Variants in SDCCAG8 observed in about 807,000 individuals in gnomAD.
SDCCAG8 encodes the protein SHH signaling and ciliogenesis regulator SDCCAG8.
In SDCCAG8, 74 loss-of-function variants were observed where a neutral mutation model predicts 101.8. The ratio of observed to expected loss-of-function variants is 0.73; its 90% CI spans 0.60 to 0.88. SDCCAG8 has a LOEUF of 0.88. SDCCAG8 is among the 40% of genes least tolerant of loss of function. The pLI is 0.00. For synonymous variants in SDCCAG8, 281 were observed against 292.9 expected (o/e 0.96, Z 0.41); for missense variants, 787 against 822.6 (o/e 0.96, Z 0.53).
At chr1:243,344,006 G>A (rs772599459) in intron 11 of SDCCAG8, among the ~76,000 whole-genome samples, 8 of 152,178 alleles carry the variant, frequency 5.3e-5, no homozygotes, top group Non-Finnish European at 1.0e-4. Context: ...TTATTTATCT[G>A]TAATTTCAAG....
intron 10 of SDCCAG8, among the ~76,000 whole-genome samples, chr1:243,337,402 A>G (rs1441999105): frequency 6.6e-6 from 1 of 152,204 alleles, no homozygotes; most frequent in Non-Finnish European, 1.5e-5. Flanking sequence ...GTCCCTAGTA[A>G]GCCCTGGCTG....
intron 13 of SDCCAG8, among the ~76,000 whole-genome samples, chr1:243,405,506 C>T (rs1236611148): frequency 6.6e-6 from 1 of 152,132 alleles, no homozygotes; most frequent in Non-Finnish European, 1.5e-5. Flanking sequence ...CCTTAAAGAT[C>T]TGGCAATGAG....
chr1:243,411,873 A>G (rs1405012165), intron 13 of SDCCAG8, among the ~76,000 whole-genome samples: 1 of 152,178 alleles, frequency 6.6e-6, no homozygotes, highest in Non-Finnish European at 1.5e-5. Context: ...ATTGTGAATA[A>G]ATCTTTCAGC....
chr1:243,465,180 C>A (rs1659882386), intron 16 of SDCCAG8, among the ~76,000 whole-genome samples: 2 of 152,166 alleles, frequency 1.3e-5, no homozygotes, highest in South Asian at 4.1e-4. Context: ...GAGTCATGGT[C>A]TCTTTTGGGA....
rs1000773622 is a variant in SDCCAG8, at chr1:243,270,325, A to G, written c.220+68A>G. 1.5e-5 allele frequency: 21 copies of G among 1,357,448 alleles called. No homozygotes were observed. The Middle Eastern group carries it at 5.4e-4, about 35-fold the overall frequency. 84.1% of individuals were successfully genotyped at this position (1,357,448 alleles called of 1,614,324 possible). A position where few individuals can be genotyped will look rare whatever the true frequency, so the allele number is the denominator to read the frequency against. The stretch of plus-strand genomic sequence containing the variant: ...ATTTTTTAAACTCCGTAGAATAATA[A>G]CTCCATTCATTCTTCATTCTGCTGC... On this transcript the variant is annotated intron_variant, in intron 2 of 17. Transcript: ENST00000366541.
chr1:243,444,068 GT>G (rs1305834314), intron 16 of SDCCAG8, among the ~76,000 whole-genome samples: 1 of 152,102 alleles, frequency 6.6e-6, no homozygotes, highest in African/African-American at 2.4e-5. Context: ...ATGACAAATG[GT>G]TATTTGAAAG....
intron 16 of SDCCAG8, among the ~76,000 whole-genome samples, chr1:243,466,817 C>G (rs1301799696): frequency 6.6e-6 from 1 of 152,248 alleles, no homozygotes; most frequent in African/African-American, 2.4e-5. Flanking sequence ...GTACTGTTAC[C>G]AAAGTTAGAA....
intron 4 of SDCCAG8, among the ~76,000 whole-genome samples, chr1:243,284,328 C>T (rs1475566925): frequency 1.3e-5 from 2 of 152,146 alleles, no homozygotes; most frequent in Non-Finnish European, 2.9e-5. Context: ...GGTCTTGTCT[C>T]TTCTGTTGTC....
At chr1:243,299,514 A>G (rs1251528420) in intron 6 of SDCCAG8, among the ~76,000 whole-genome samples, 1 of 151,960 alleles carries the variant, frequency 6.6e-6, no homozygotes, top group Non-Finnish European at 1.5e-5. Flanking sequence ...CCCAGGTTCC[A>G]GCTATTCTCC....
chr1:243,270,009 T>G (rs2067956410), intron 1 of SDCCAG8, 96 bp from the exon 2 acceptor site: 1 of 1,547,594 alleles, frequency 6.5e-7, no homozygotes, highest in African/African-American at 1.4e-5. Context: ...GTACGAGAAA[T>G]AATGATTTCA....
At chr1:243,360,238 T>TG (rs1454595393) in intron 12 of SDCCAG8, among the ~76,000 whole-genome samples, 1 of 149,182 alleles carries the variant, frequency 6.7e-6, no homozygotes, top group African/African-American at 2.5e-5. Context: ...CTCTGCCTCC[T>TG]GGGTTCACGC....
At chr1:243,450,847 C>A (rs967221764) in intron 16 of SDCCAG8, among the ~76,000 whole-genome samples, 6 of 152,060 alleles carry the variant, frequency 3.9e-5, no homozygotes, top group Non-Finnish European at 8.8e-5. Flanking sequence ...TTAGTAGAGA[C>A]GGGGTTTCAC....
intron 10 of SDCCAG8, among the ~76,000 whole-genome samples, chr1:243,337,771 GC>G (rs1322555134): frequency 6.6e-6 from 1 of 152,116 alleles, no homozygotes; most frequent in Non-Finnish European, 1.5e-5. Context: ...AGATTTCTTG[GC>G]CCTTCATGTT....
At chr1:243,376,714 CTT>C (rs1642519939) in intron 12 of SDCCAG8, among the ~76,000 whole-genome samples, 1 of 151,858 alleles carries the variant, frequency 6.6e-6, no homozygotes, top group Non-Finnish European at 1.5e-5. Context: ...ACCATTTTCT[CTT>C]TATATTTCTG....
intron 13 of SDCCAG8, among the ~76,000 whole-genome samples, chr1:243,389,999 T>C (rs2147940447): frequency 6.6e-6 from 1 of 152,300 alleles, no homozygotes; most frequent in South Asian, 2.1e-4. Context: ...TGCTCTTTAT[T>C]ATTGGGAAAA....
At chr1:243,432,497 TA>T (rs1355830063) in intron 16 of SDCCAG8, among the ~76,000 whole-genome samples, 4 of 152,146 alleles carry the variant, frequency 2.6e-5, no homozygotes, top group Non-Finnish European at 2.9e-5. Flanking sequence ...TTTACCTATA[TA>T]ACATACCTGC....
chr1:243,457,550 T>C (rs1416879981), intron 16 of SDCCAG8, among the ~76,000 whole-genome samples: 2 of 152,228 alleles, frequency 1.3e-5, no homozygotes, highest in Non-Finnish European at 2.9e-5. Flanking sequence ...GAGGATTAGG[T>C]TGTCAAATGC....
At chr1:243,425,487 A>C (rs1026686873) in intron 15 of SDCCAG8, among the ~76,000 whole-genome samples, 2 of 152,138 alleles carry the variant, frequency 1.3e-5, no homozygotes, top group Non-Finnish European at 2.9e-5. Flanking sequence ...AGAAAAGGCT[A>C]TCTTGCCTAC....
At chr1:243,298,849 T>G (rs1018506276) in intron 6 of SDCCAG8, among the ~76,000 whole-genome samples, 3 of 152,234 alleles carry the variant, frequency 2.0e-5, no homozygotes, top group African/African-American at 7.2e-5. Flanking sequence ...CTGTCTTGAT[T>G]GTTATAGCCT....
Sources: allele counts gnomAD v4.1 joint callset (sites outside exome capture counted in the v4.1 genomes callset), GRCh38; gene constraint gnomAD v4.1.1; transcripts MANE v1.5; gene names NCBI Gene and HGNC (gene_info 2026-07-23, HGNC 2026-07-21).